Variants in FYCO1 observed in about 807,000 individuals in gnomAD.
FYCO1 encodes FYVE and coiled-coil domain-containing protein 1.
FYCO1 carries 122 observed loss-of-function variants against 165.1 expected under a neutral mutation model. That is an observed-to-expected ratio of 0.74 (90% confidence interval 0.64 to 0.86). The LOEUF is 0.86. Ranked by LOEUF, FYCO1 falls within the 40% of genes least tolerant of loss-of-function variation. The pLI is 0.00. For missense variants in FYCO1, 1,702 were observed against 1,810.3 expected (o/e 0.94, Z 1.09); for synonymous variants, 648 against 742.5 (o/e 0.87, Z 2.07).
chr3:45,926,338 G>C (rs1443326328), intron 16 of FYCO1, among the ~76,000 whole-genome samples: 1 of 152,196 alleles, frequency 6.6e-6, no homozygotes, highest in African/African-American at 2.4e-5. Context: ...AGGCTAGCAT[G>C]CTAACCAAAA....
chr3:45,946,317 T>C (rs1704599773), intron 14 of FYCO1: 1 of 619,106 alleles, frequency 1.6e-6, no homozygotes, highest in Admixed American at 2.9e-5. Context: ...ATCTTCAATA[T>C]ACTGGACTGT....
chr3:45,990,236 G>A (rs141939844), intron 1 of FYCO1, among the ~76,000 whole-genome samples: 2 of 152,202 alleles, frequency 1.3e-5, no homozygotes, highest in African/African-American at 2.4e-5. Flanking sequence ...CTGCCAGCCA[G>A]GTAAAAGGTA....
Position 45,921,405 on chromosome 3 carries a change from T to C in FYCO1, c.*360A>G. ...CAGAAAATCTCTCCACAGGCAGAAGTTGGAATCACCCCTGCCCGTGAAACT... is the reference window on the plus strand; with the variant it reads ...CAGAAAATCTCTCCACAGGCAGAAGCTGGAATCACCCCTGCCCGTGAAACT... On this transcript the variant is annotated 3_prime_UTR_variant, in exon 18 of 18. Transcript: ENST00000296137. 1 of 338,120 alleles carries C rather than the reference T, an allele frequency of 3.0e-6. No homozygotes were observed. The highest frequency in any genetic ancestry group is 4.2e-5 in the Admixed American group (1 of 24,026). 20.9% of individuals were successfully genotyped at this position (338,120 alleles called of 1,614,324 possible).
chr3:45,926,723 G>A lies in FYCO1; in HGVS notation c.4252-2958C>T, dbSNP rs560436247. On this transcript the variant is annotated intron_variant, in intron 16 of 17. Transcript: ENST00000296137. ...CTCACGCCCGTAATCTCAACACTTC[G>A]GGAGGCCGAGGTGGGTGGATCACCT... Among the ~76,000 whole-genome samples, 6 of 152,290 alleles carry A rather than the reference G, an allele frequency of 3.9e-5. 1 individual carries two copies. In the South Asian group the frequency reaches 8.3e-4, roughly 21 times the overall value.
chr3:45,955,197 A>G (rs1420420466), intron 14 of FYCO1, 52 bp downstream of exon 14: 2 of 1,597,662 alleles, frequency 1.3e-6, no homozygotes, highest in African/African-American at 2.7e-5. Flanking sequence ...AAGAAAGCAC[A>G]GGGGCCAGGC....
intron 4 of FYCO1, among the ~76,000 whole-genome samples, chr3:45,977,350 AATATAT>A (rs57543574): frequency 1.0e-3 from 112 of 112,498 alleles, no homozygotes; most frequent in Non-Finnish European, 1.3e-3. Flanking sequence ...AACTGAATTA[AATATAT>A]ATATATATAT....
Position 45,993,605 on chromosome 3 carries a change from A to G in FYCO1, c.-113+2117T>C, listed in dbSNP as rs17330872. Among the ~76,000 whole-genome samples the G allele has an allele frequency of 0.089, 13,511 of 152,306 alleles. 992 individuals carry two copies. Among genetic ancestry groups the G allele is most frequent in the South Asian group, 0.34 (1,646 of 4,824 alleles). On this transcript the variant is annotated intron_variant, in intron 1 of 17. Transcript: ENST00000296137. This position sits in a 1 kb window ranked among gnomAD's most constrained non-coding sequence, Gnocchi z 4.4. The stretch of plus-strand genomic sequence containing the variant: ...TTTATCTTTTGACTAAGACAAGAAC[A>G]TAGCAGTCATGACGTGAGCAGATGT...
At chr3:45,995,472 T>C (rs1460962665) in intron 1 of FYCO1, among the ~76,000 whole-genome samples, 1 of 152,222 alleles carries the variant, frequency 6.6e-6, no homozygotes, top group East Asian at 1.9e-4. Context: ...AACTGGTGTT[T>C]GGGGTCTGTC....
At chr3:45,956,589 G>GT (rs1169460419) in intron 13 of FYCO1, among the ~76,000 whole-genome samples, 2 of 152,088 alleles carry the variant, frequency 1.3e-5, no homozygotes, top group Non-Finnish European at 2.9e-5. Context: ...TTTCAAGTCT[G>GT]TGTAATAGAG....
chr3:45,962,049 G>C lies in FYCO1; in HGVS notation c.3437+176C>G, dbSNP rs982429933. Among the ~76,000 whole-genome samples, 3 of 152,194 alleles carry C rather than the reference G, an allele frequency of 2.0e-5. No homozygotes were observed. Among genetic ancestry groups the C allele is most frequent in the African/African-American group, 7.2e-5 (3 of 41,440 alleles). ...AGCTGCCTGGTACCTGCAGGCGCTG[G>C]AGTTTGGGACTCTAGTACTGGGGAA... On this transcript the variant is annotated intron_variant, in intron 11 of 17. Coordinates refer to ENST00000296137, the MANE Select transcript of FYCO1 (RefSeq NM_024513.4). The surrounding 1 kb of genome is among the most constrained non-coding windows in gnomAD (Gnocchi z 4.4).
intron 5 of FYCO1, 108 bp from the exon 6 acceptor site, chr3:45,973,339 T>A: frequency 9.1e-7 from 1 of 1,098,332 alleles, no homozygotes; most frequent in Non-Finnish European, 1.4e-6. Flanking sequence ...GTTACTAAAT[T>A]AAAAGACACA....
At chr3:45,953,196 T>C (rs1458590057) in intron 14 of FYCO1, among the ~76,000 whole-genome samples, 1 of 152,102 alleles carries the variant, frequency 6.6e-6, no homozygotes, top group Non-Finnish European at 1.5e-5. Context: ...GCAGCAGAAA[T>C]CCTGAATGAT....
chr3:45,959,837 C>A (rs1053731268), intron 11 of FYCO1, among the ~76,000 whole-genome samples: 2 of 152,208 alleles, frequency 1.3e-5, no homozygotes, highest in Non-Finnish European at 2.9e-5. Context: ...GGCACCTAAA[C>A]AACAGTGCTG....
chr3:45,923,454 T>A (rs1703181327), intron 17 of FYCO1, among the ~76,000 whole-genome samples: 1 of 152,158 alleles, frequency 6.6e-6, no homozygotes, highest in Admixed American at 6.5e-5. Context: ...AGCAGTGACA[T>A]GGTAAGACTC....
intron 1 of FYCO1, among the ~76,000 whole-genome samples, chr3:45,990,969 G>A (rs1464398416): frequency 1.3e-5 from 2 of 151,964 alleles, no homozygotes; most frequent in East Asian, 1.9e-4. Context: ...TAGTAGAGAC[G>A]GGGTTTCACC....
At chr3:45,930,743 G>A (rs1477467474) in intron 16 of FYCO1, among the ~76,000 whole-genome samples, 1 of 152,204 alleles carries the variant, frequency 6.6e-6, no homozygotes, top group Non-Finnish European at 1.5e-5. Context: ...GCTTTGCACA[G>A]CTCTATTAGA....
At chr3:45,949,993 T>A (rs1185384866) in intron 14 of FYCO1, among the ~76,000 whole-genome samples, 1 of 152,126 alleles carries the variant, frequency 6.6e-6, no homozygotes, top group Non-Finnish European at 1.5e-5. Context: ...GGCCTTCACG[T>A]CTTGATCTCA....
chr3:45,960,352 C>T (rs534438965), intron 11 of FYCO1, among the ~76,000 whole-genome samples: 256 of 152,310 alleles, frequency 1.7e-3, no homozygotes, highest in African/African-American at 5.9e-3. Flanking sequence ...GAGACAGGCT[C>T]CATCACTGAC....
chr3:45,938,287 G>A (rs1390353117), intron 14 of FYCO1: 10 of 1,254,102 alleles, frequency 8.0e-6, no homozygotes, highest in Non-Finnish European at 1.0e-5. Flanking sequence ...GGGATAGGTG[G>A]GTGATGCAGT....
Sources: allele counts gnomAD v4.1 joint callset (sites outside exome capture counted in the v4.1 genomes callset), GRCh38; gene constraint gnomAD v4.1.1; non-coding constraint Gnocchi (gnomAD v3.1); transcripts MANE v1.5; gene names NCBI Gene and HGNC (gene_info 2026-07-23, HGNC 2026-07-21).